Variants in ZCWPW1 observed in about 807,000 individuals in gnomAD.
ZCWPW1 encodes the protein zinc finger CW-type and PWWP domain containing 1.
A neutral mutation model predicts 81.3 loss-of-function variants in ZCWPW1; 56 were observed. The observed-to-expected ratio is 0.69, with a 90% CI of 0.56 to 0.86. ZCWPW1 has a LOEUF of 0.86. Ranked by LOEUF, ZCWPW1 falls within the 40% of genes least tolerant of loss-of-function variation. The pLI is 0.00. For missense variants in ZCWPW1, 650 were observed against 769.8 expected (o/e 0.84, Z 1.84); for synonymous variants, 250 against 273.7 (o/e 0.91, Z 0.86).
chr7:100,409,326 G>T, intron 9 of ZCWPW1, 102 bp downstream of exon 9: 1 of 933,118 alleles, frequency 1.1e-6, no homozygotes. Flanking sequence ...AGGACACTGA[G>T]TGCTAACTAT....
rs1355325923 is a variant in ZCWPW1, at chr7:100,419,670, CT to C, written c.241del (p.Arg81GlufsTer57). On this transcript the variant is annotated frameshift_variant, in exon 4 of 18. Coordinates refer to ENST00000684423, the MANE Select transcript of ZCWPW1 (RefSeq NM_001386010.1). LOFTEE classifies it high-confidence loss of function. ...TGCTTGCTTGTTGATTTGTGCCTTT[CT>C]TTTTTTCTCCTGTTCCCTGCTTGGA... ...NVPSREQEKK[R>X]KAQINKQAEK... 1.2e-5 allele frequency: 20 copies of C among 1,612,370 alleles called. No homozygotes were observed. Among genetic ancestry groups the C allele is most frequent in the Admixed American group, 1.7e-5 (1 of 59,482 alleles).
chr7:100,415,499 A>T (rs1426124946), intron 8 of ZCWPW1, among the ~76,000 whole-genome samples: 1 of 152,174 alleles, frequency 6.6e-6, no homozygotes, highest in Non-Finnish European at 1.5e-5. Flanking sequence ...CTCTTTCAGT[A>T]GCTATAACCA....
chr7:100,403,813 A>G, intron 14 of ZCWPW1, 28 bp from the exon 15 acceptor site: 2 of 1,592,002 alleles, frequency 1.3e-6, no homozygotes, highest in Non-Finnish European at 1.7e-6. Flanking sequence ...AGGAAAGGCT[A>G]AATCATTCAT....
At chr7:100,413,249 A>G (rs746692513) in intron 8 of ZCWPW1, among the ~76,000 whole-genome samples, 33 of 152,308 alleles carry the variant, frequency 2.2e-4, no homozygotes, top group Admixed American at 3.3e-4. Flanking sequence ...CACTCTGTAC[A>G]TGGTCTTTGA....
Position 100,416,445 on chromosome 7 carries a change from G to C in ZCWPW1, c.491C>G (p.Pro164Arg), listed in dbSNP as rs1171403919. 2 of 1,613,608 alleles carry C rather than the reference G, an allele frequency of 1.2e-6. No homozygotes were observed. The highest frequency in any genetic ancestry group is 1.7e-6 in the Non-Finnish European group (2 of 1,179,904). ...AGACACTGAAATCTCTTGAGTATGT[G>C]GTACCTCCTCTCTGAAAATGAGGTT... ...DTDNANGEEV[P>R]HTQEISVSWE... The change falls in exon 7 of 18, where the codon CCA becomes CGA. Residue 164 changes from proline (P) to arginine (R), a missense_variant. Coordinates refer to ENST00000684423, the MANE Select transcript of ZCWPW1 (RefSeq NM_001386010.1).
intron 8 of ZCWPW1, among the ~76,000 whole-genome samples, chr7:100,415,297 G>C (rs1795015971): frequency 2.0e-5 from 3 of 151,702 alleles, no homozygotes; most frequent in Admixed American, 2.0e-4. Flanking sequence ...TGGTCAGGCT[G>C]GTCTTGAACT....
intron 2 of ZCWPW1, among the ~76,000 whole-genome samples, chr7:100,422,446 T>A (rs542230322): frequency 1.3e-5 from 2 of 152,230 alleles, no homozygotes; most frequent in East Asian, 1.9e-4. Flanking sequence ...AATTAGTATC[T>A]ACACAGCTAC....
Position 100,400,879 on chromosome 7 carries a change from TA to T in ZCWPW1, c.*134del. ...AGAGACCAGCCAACCCAGTCGACTG[TA>T]ACCTGCTTTATTAACACAGAAACTG... On this transcript the variant is annotated 3_prime_UTR_variant, in exon 18 of 18. Transcript: ENST00000684423. 1 of 1,036,318 alleles carries T rather than the reference TA, an allele frequency of 9.6e-7. No homozygotes were observed. Among genetic ancestry groups the T allele is most frequent in the Non-Finnish European group, 1.3e-6 (1 of 742,980 alleles). The allele number at this position is 1,036,318 out of a possible 1,614,324, so 64.2% of individuals were successfully genotyped here.
At chr7:100,415,656 T>C (rs1795082567) in intron 8 of ZCWPW1, among the ~76,000 whole-genome samples, 1 of 152,224 alleles carries the variant, frequency 6.6e-6, no homozygotes, top group Non-Finnish European at 1.5e-5. Flanking sequence ...TCCTTATTTT[T>C]CTATTACCTT....
At chr7:100,412,791 C>T (rs1794461307) in intron 8 of ZCWPW1, among the ~76,000 whole-genome samples, 1 of 152,292 alleles carries the variant, frequency 6.6e-6, no homozygotes, top group South Asian at 2.1e-4. Flanking sequence ...CCATGTTAGC[C>T]AGGATGGTCT....
Position 100,401,930 on chromosome 7 carries a change from C to A in ZCWPW1, c.1586G>T (p.Gly529Val), listed in dbSNP as rs749047709. The change falls in exon 17 of 18, where the codon GGA (glycine) becomes GTA (valine). Residue 529 changes from glycine (G) to valine (V), a missense_variant. Coordinates refer to ENST00000684423, the MANE Select transcript of ZCWPW1 (RefSeq NM_001386010.1). ...TGAATTCCCTTGGCCTTCTTTCCTT[C>A]CCATTCTGGGTGCAGGAGGAGCTGT... ...KSTAPPAPRM[G>V]RKEGQGNSDS... 6.2e-7 allele frequency: 1 copy of A among 1,614,144 alleles called. No homozygotes were observed.
chr7:100,403,835 G>GT (rs765252928), intron 14 of ZCWPW1, 50 bp from the exon 15 acceptor site: 1 of 1,525,764 alleles, frequency 6.6e-7, no homozygotes, highest in Admixed American at 1.7e-5. Flanking sequence ...CCATAAAATA[G>GT]TGAGTTAATG....
intron 11 of ZCWPW1, 59 bp downstream of exon 11, chr7:100,407,169 G>A: frequency 1.3e-6 from 2 of 1,491,368 alleles, no homozygotes; most frequent in Non-Finnish European, 9.3e-7. Context: ...CGTCTGTGAG[G>A]ATGGATTTGT....
chr7:100,416,242 A>G, intron 7 of ZCWPW1, 63 bp downstream of exon 7: 1 of 1,599,104 alleles, frequency 6.3e-7, no homozygotes, highest in Admixed American at 1.7e-5. Flanking sequence ...CCATGGTCCC[A>G]TTCCCTAATT....
Position 100,427,362 on chromosome 7 carries a change from G to A in ZCWPW1, c.-137+1206C>T, listed in dbSNP as rs191568744. On this transcript the variant is annotated intron_variant, in intron 1 of 17. Transcript: ENST00000684423. ...TGGATCACCTTAAGTCAGGAGTTCG[G>A]GACCAGCCTGGCCAATACGGTGAAA... Among the ~76,000 whole-genome samples, 15 of 150,096 alleles carry A rather than the reference G, an allele frequency of 1.0e-4. No individual in the cohort carries two copies. In the East Asian group the frequency reaches 2.8e-3, roughly 28 times the overall value.
intron 3 of ZCWPW1, 73 bp from the exon 4 acceptor site, chr7:100,419,956 A>C: frequency 8.2e-7 from 1 of 1,223,902 alleles, no homozygotes. Context: ...TTACCCTTTG[A>C]CTAGCCATAA....
chr7:100,402,621 C>T (rs768362697), intron 15 of ZCWPW1, 45 bp from the exon 16 acceptor site: 1 of 1,586,088 alleles, frequency 6.3e-7, no homozygotes, highest in Admixed American at 1.7e-5. Context: ...AATCAAGGCC[C>T]CTAACTGTTT....
chr7:100,407,685 G>A (rs757704438), intron 10 of ZCWPW1, among the ~76,000 whole-genome samples: 1 of 152,040 alleles, frequency 6.6e-6, no homozygotes, highest in Admixed American at 6.6e-5. Context: ...GAGTCACTGC[G>A]CTCAGCCAGC....
intron 5 of ZCWPW1, among the ~76,000 whole-genome samples, chr7:100,417,979 G>T (rs1315991944): frequency 6.6e-6 from 1 of 152,044 alleles, no homozygotes; most frequent in South Asian, 2.1e-4. Flanking sequence ...CCGCCTCCCA[G>T]GTTCAAGCGA....
Sources: gnomAD v4.1 joint callset for allele counts (sites outside exome capture counted in the v4.1 genomes callset) on GRCh38, gnomAD v4.1.1 for gene constraint, MANE v1.5 for transcripts, NCBI Gene and HGNC (gene_info 2026-07-23, HGNC 2026-07-21) for gene names.